ANK2: variants seen among roughly 807,000 people sequenced by gnomAD.
The protein encoded by ANK2 is ankyrin-2.
In ANK2, 83 loss-of-function variants were observed where a neutral mutation model predicts 360.5. The ratio of observed to expected loss-of-function variants is 0.23; its 90% CI spans 0.19 to 0.28. ANK2 has a LOEUF of 0.28. Among genes scored for constraint, ANK2 ranks in the 10% least tolerant of loss-of-function variants. The pLI, the probability that ANK2 is intolerant of heterozygous loss-of-function variation, is 1.00. For synonymous variants in ANK2, 1,740 were observed against 1,759.5 expected, an observed-to-expected ratio of 0.99 and a Z score of 0.28; for missense variants, 4,201 against 4,795.7, an observed-to-expected ratio of 0.88 and a Z score of 3.66.
At chr4:112,977,443 A>C (rs2041799384) in intron 2 of ANK2, among the ~76,000 whole-genome samples, 1 of 152,042 alleles carries the variant, frequency 6.6e-6, no homozygotes, top group Admixed American at 6.5e-5. Flanking sequence ...AATTGAGTGT[A>C]ATGTCTTTCA....
At chr4:113,174,555 AG>A in intron 2 of ANK2, 38 bp downstream of exon 2, 3 of 1,412,924 alleles carry the variant, frequency 2.1e-6, no homozygotes, top group Admixed American at 1.7e-5. Flanking sequence ...TGTGCAACGA[AG>A]GAACACTCAT....
rs1450514200 is a variant in ANK2, at chr4:113,237,076, G to A, written c.573G>A (p.Val191=). 6.2e-7 allele frequency: 1 copy of A among 1,614,060 alleles called. No individual in the cohort carries two copies. The highest frequency in any genetic ancestry group is 1.3e-5 in the African/African-American group (1 of 74,926). Residue 191 remains valine (V), a synonymous_variant, in exon 6 of 46, where the codon GTG becomes GTA. Transcript: ENST00000357077. ...ILLENDTKGK[V]RLPALHIAAR... ...TGGAGAATGACACCAAAGGGAAAGT[G>A]AGGCTGCCAGCTCTGCATATTGCCG...
At chr4:112,780,883 T>A in the ANK2 span, among the ~76,000 whole-genome samples, 1 of 152,326 alleles carries the variant, frequency 6.6e-6, no homozygotes, top group East Asian at 1.9e-4. Flanking sequence ...CAATTCAAGA[T>A]AAGATTTGGG....
chr4:113,065,918 G>A (rs72671580), intron 1 of ANK2, among the ~76,000 whole-genome samples: 13,731 of 152,140 alleles, frequency 0.09, 687 homozygotes, highest in East Asian at 0.15. Flanking sequence ...TGTGGATGGG[G>A]CACTATTTTA....
At chr4:113,094,725 A>G (rs2090243336) in intron 1 of ANK2, among the ~76,000 whole-genome samples, 1 of 152,236 alleles carries the variant, frequency 6.6e-6, no homozygotes, top group South Asian at 2.1e-4. Flanking sequence ...ATCAAGATAA[A>G]AAACACATTT....
intron 11 of ANK2, 93 bp from the exon 12 acceptor site, chr4:113,257,957 C>A: frequency 1.7e-6 from 2 of 1,171,828 alleles, no homozygotes; most frequent in Non-Finnish European, 2.5e-6. Flanking sequence ...CATTATGTGA[C>A]GATGTAACAT....
intron 2 of ANK2, among the ~76,000 whole-genome samples, chr4:113,010,416 T>A (rs1389194321): frequency 6.6e-6 from 1 of 152,208 alleles, no homozygotes; most frequent in Non-Finnish European, 1.5e-5. Flanking sequence ...CTCATTTGTT[T>A]ACTTATTCAT....
rs150318183 is a variant in ANK2 at position 113,284,428 on chromosome 4, G to T, written c.2079+1556G>T. The stretch of plus-strand genomic sequence containing the variant: ...TATTTTGAGTAGGATTAAAATTCCA[G>T]ATAGTTCATGAAACTGATCTTACAG... On this transcript the variant is annotated intron_variant, in intron 18 of 45. Transcript: ENST00000357077. Among the ~76,000 whole-genome samples, 217 of 152,310 alleles carry T rather than the reference G, an allele frequency of 1.4e-3. 1 individual carries two copies. The highest frequency in any genetic ancestry group is 4.8e-3 in the African/African-American group (200 of 41,564).
chr4:113,177,274 G>T (rs1474722305), intron 2 of ANK2, among the ~76,000 whole-genome samples: 1 of 151,778 alleles, frequency 6.6e-6, no homozygotes, highest in East Asian at 1.9e-4. Flanking sequence ...TAGAGACGGG[G>T]TTTCACCATG....
chr4:112,778,914 C>T, the ANK2 span, among the ~76,000 whole-genome samples: 1 of 152,166 alleles, frequency 6.6e-6, no homozygotes, highest in Non-Finnish European at 1.5e-5. Flanking sequence ...CCACTGATTT[C>T]TGACGTGCTG....
chr4:113,145,315 G>C (rs1420040750), intron 1 of ANK2, among the ~76,000 whole-genome samples: 1 of 152,142 alleles, frequency 6.6e-6, no homozygotes. Context: ...TTTCCACTTG[G>C]TGGAAGCAAT....
At chr4:112,745,506 C>T in the ANK2 span, among the ~76,000 whole-genome samples, 1 of 151,168 alleles carries the variant, frequency 6.6e-6, no homozygotes, top group African/African-American at 2.4e-5. Flanking sequence ...CTGTAGTCAC[C>T]CTGTTGTGCT....
At chr4:113,021,761 T>C (rs2058248159) in intron 2 of ANK2, among the ~76,000 whole-genome samples, 1 of 151,938 alleles carries the variant, frequency 6.6e-6, no homozygotes, top group African/African-American at 2.4e-5. Flanking sequence ...CATATAAATA[T>C]GCATTAAGTA....
intron 1 of ANK2, among the ~76,000 whole-genome samples, chr4:113,087,374 C>T (rs2085371336): frequency 6.6e-6 from 1 of 152,090 alleles, no homozygotes; most frequent in Admixed American, 6.6e-5. Flanking sequence ...AGGTTAGAAC[C>T]AAATTGTAAA....
At chr4:113,271,256 A>G (rs1385677113) in intron 14 of ANK2, among the ~76,000 whole-genome samples, 1 of 152,206 alleles carries the variant, frequency 6.6e-6, no homozygotes, top group Non-Finnish European at 1.5e-5. Context: ...ATAAAAGATC[A>G]AGCTTGGGCT....
chr4:113,353,633 G>T lies in ANK2; in HGVS notation c.5015G>T (p.Gly1672Val). 1.2e-6 allele frequency: 2 copies of T among 1,614,052 alleles called. No homozygotes were observed. Among genetic ancestry groups the T allele is most frequent in the South Asian group, 2.2e-5 (2 of 91,086 alleles). ...AAGAAATGTGAGGCTCTGGCTGTTGGCAGGAGCTCTGAAAAGGAAGGGAAA... is the reference window on the plus strand; with the variant it reads ...AAGAAATGTGAGGCTCTGGCTGTTGTCAGGAGCTCTGAAAAGGAAGGGAAA... ...AGKKCEALAV[G>V]RSSEKEGKDI... The change falls in exon 38 of 46, where the codon GGC (glycine) becomes GTC (valine). Residue 1672 changes from glycine (G) to valine (V), a missense_variant. This residue lies in a region of ANK2 where 1,268 missense variants were observed against 1,650.8 expected (regional missense o/e 0.77). Transcript: ENST00000357077.
intron 1 of ANK2, among the ~76,000 whole-genome samples, chr4:113,131,554 C>G (rs10003143): frequency 6.6e-6 from 1 of 151,966 alleles, no homozygotes; most frequent in South Asian, 2.1e-4. Context: ...GCTAAAAAGC[C>G]TGCACATCAT....
chr4:113,271,167 C>G (rs907868321), intron 14 of ANK2, among the ~76,000 whole-genome samples: 9 of 152,228 alleles, frequency 5.9e-5, no homozygotes, highest in African/African-American at 2.2e-4. Flanking sequence ...GTAAAGAGAG[C>G]CCCTCTTCCT....
chr4:112,827,776 A>G (rs575032235), intron 1 of ANK2, among the ~76,000 whole-genome samples: 6 of 152,364 alleles, frequency 3.9e-5, no homozygotes, highest in African/African-American at 1.4e-4. Flanking sequence ...AATATTGTTA[A>G]AATGGCCATA....
Sources: gnomAD v4.1 joint callset for allele counts (sites outside exome capture counted in the v4.1 genomes callset) on GRCh38, gnomAD v4.1.1 for gene constraint, gnomAD v4.1.1 regional missense constraint, MANE v1.5 for transcripts, NCBI Gene and HGNC (gene_info 2026-07-23, HGNC 2026-07-21) for gene names.